Variants in WDR7 observed in about 807,000 individuals in gnomAD.
WDR7 encodes the protein WD repeat domain 7.
A neutral mutation model predicts 169.4 loss-of-function variants in WDR7; 46 were observed. The observed-to-expected ratio is 0.27, with a 90% CI of 0.21 to 0.35. WDR7 has a LOEUF of 0.35. Among genes scored for constraint, WDR7 ranks in the 10% least tolerant of loss-of-function variants. The probability of loss-of-function intolerance (pLI) is 1.00; values close to 1 mark genes in which losing one functional copy is unlikely to be tolerated. For missense variants in WDR7, 1,534 were observed against 1,859.3 expected, an observed-to-expected ratio of 0.83 and a Z score of 3.22; for synonymous variants, 612 against 666.8, an observed-to-expected ratio of 0.92 and a Z score of 1.27.
chr18:56,892,770 A>G (rs1271571408), intron 21 of WDR7, among the ~76,000 whole-genome samples: 3 of 152,084 alleles, frequency 2.0e-5, no homozygotes, highest in Non-Finnish European at 2.9e-5. Flanking sequence ...TTAATATGCA[A>G]AAGGGCTTTG....
In WDR7 at chr18:56,683,920, A is replaced by G. The variant is rs957455633; in HGVS notation, c.520+1067A>G. Among the ~76,000 whole-genome samples the G allele has an allele frequency of 5.3e-5, 8 of 152,208 alleles. No individual in the cohort carries two copies. In the East Asian group the frequency reaches 9.6e-4, roughly 18 times the overall value. On this transcript the variant is annotated intron_variant, in intron 5 of 27. Transcript: ENST00000254442. Reference sequence around the variant, plus strand: ...AGGTGCAAGGGATTGAAATATTAATACTTAAGGGAGTCAAATTCTAGTAAA... The same window carrying G: ...AGGTGCAAGGGATTGAAATATTAATGCTTAAGGGAGTCAAATTCTAGTAAA...
At chr18:56,664,860 T>C (rs1486690307) in intron 1 of WDR7, among the ~76,000 whole-genome samples, 1 of 152,110 alleles carries the variant, frequency 6.6e-6, no homozygotes, top group Admixed American at 6.6e-5. Flanking sequence ...GAGTAGTAAA[T>C]CATGTGGCTT....
At chr18:56,871,991 G>T (rs1027104418) in intron 20 of WDR7, among the ~76,000 whole-genome samples, 1 of 151,976 alleles carries the variant, frequency 6.6e-6, no homozygotes, top group Non-Finnish European at 1.5e-5. Context: ...TCAGGTCAAA[G>T]CACAGTTCTG....
chr18:56,751,052 T>C (rs955980020), intron 14 of WDR7, among the ~76,000 whole-genome samples: 1 of 150,082 alleles, frequency 6.7e-6, no homozygotes, highest in Non-Finnish European at 1.5e-5. Flanking sequence ...TTTGTTCCTG[T>C]TTTTTTTTCT....
intron 21 of WDR7, among the ~76,000 whole-genome samples, chr18:56,885,813 C>T (rs371567137): frequency 4.1e-5 from 6 of 144,716 alleles, no homozygotes; most frequent in African/African-American, 1.1e-4. Context: ...GGCGACAGAG[C>T]GAGACTCTGT....
chr18:56,792,908 T>A (rs1007884214), intron 19 of WDR7, among the ~76,000 whole-genome samples: 3 of 152,190 alleles, frequency 2.0e-5, no homozygotes, highest in Non-Finnish European at 2.9e-5. Context: ...GCGGGACAAC[T>A]TTTATTTCTC....
At position 56,686,964 on chromosome 18, in the gene WDR7, A is replaced by G. The variant is rs1446294769; in HGVS notation, c.707A>G (p.Lys236Arg). ...AGGTCACTTTTGGTTGTGTGTTCCA[A>G]ATATTGGAGGGTAAGATAATTATAT... ...TQRSLLVVCS[K>R]YWRVFDAGDY... Residue 236 changes from lysine (K) to arginine (R), a missense_variant, in exon 7 of 28, where the codon AAA becomes AGA. Coordinates refer to ENST00000254442, the MANE Select transcript of WDR7 (RefSeq NM_015285.3). 6.2e-7 allele frequency: 1 copy of G among 1,608,644 alleles called. No individual in the cohort carries two copies. Among genetic ancestry groups the G allele is most frequent in the African/African-American group, 1.3e-5 (1 of 74,870 alleles).
chr18:56,971,687 G>C, intron 26 of WDR7, among the ~76,000 whole-genome samples: 1 of 152,228 alleles, frequency 6.6e-6, no homozygotes, highest in Middle Eastern at 3.4e-3. Context: ...TTAACAATTA[G>C]GAGTTAGGCA....
intron 3 of WDR7, among the ~76,000 whole-genome samples, chr18:56,680,316 C>A (rs532233962): frequency 6.6e-6 from 1 of 152,264 alleles, no homozygotes; most frequent in South Asian, 2.1e-4. Flanking sequence ...TGTGATTGTG[C>A]CACTGCACTC....
At chr18:56,707,964 C>A (rs113711227) in intron 12 of WDR7, among the ~76,000 whole-genome samples, 411 of 151,712 alleles carry the variant, frequency 2.7e-3, no homozygotes, top group Non-Finnish European at 4.8e-3. Flanking sequence ...CCGTTTGTTT[C>A]CATAAGAAAG....
chr18:56,816,120 C>T lies in WDR7; in HGVS notation c.3280C>T (p.Leu1094Phe). Reference protein sequence around the residue: ...EAKVQEEEHDLVDDDITTGCL... With the variant: ...EAKVQEEEHDFVDDDITTGCL... ...AAAAGTCCAGGAGGAAGAGCATGAC[C>T]TTGTTGACGATGACATCACCACTGG... The change falls in exon 20 of 28, where the codon CTT (leucine) becomes TTT (phenylalanine). Residue 1094 changes from leucine (L) to phenylalanine (F), a missense_variant. Coordinates refer to ENST00000254442, the MANE Select transcript of WDR7 (RefSeq NM_015285.3). The T allele has an allele frequency of 6.2e-7, 1 of 1,613,746 alleles. No homozygotes were observed. The highest frequency in any genetic ancestry group is 8.5e-7 in the Non-Finnish European group (1 of 1,179,892).
intron 20 of WDR7, among the ~76,000 whole-genome samples, chr18:56,827,869 ACAG>A (rs1366873792): frequency 1.3e-5 from 2 of 152,148 alleles, no homozygotes; most frequent in African/African-American, 4.8e-5. Flanking sequence ...TTTAAAAAAA[ACAG>A]CAAAAAACAA....
chr18:56,936,643 TA>T (rs2046964640), intron 23 of WDR7, among the ~76,000 whole-genome samples: 1 of 152,166 alleles, frequency 6.6e-6, no homozygotes, highest in East Asian at 1.9e-4. Flanking sequence ...TCTATTCAGA[TA>T]AACTGAAACC....
At chr18:56,785,442 G>A (rs1202591362) in intron 19 of WDR7, among the ~76,000 whole-genome samples, 1 of 151,972 alleles carries the variant, frequency 6.6e-6, no homozygotes, top group East Asian at 1.9e-4. Flanking sequence ...ATAATTCTAG[G>A]CACTTTACAA....
intron 27 of WDR7, among the ~76,000 whole-genome samples, chr18:57,023,418 G>A (rs1055310874): frequency 1.1e-4 from 16 of 152,196 alleles, no homozygotes; most frequent in African/African-American, 3.9e-4. Flanking sequence ...GTGTTAATGA[G>A]AAATATTGGT....
intron 19 of WDR7, among the ~76,000 whole-genome samples, chr18:56,796,414 A>G (rs2044586507): frequency 6.6e-6 from 1 of 152,238 alleles, no homozygotes; most frequent in Non-Finnish European, 1.5e-5. Flanking sequence ...AGAGATGTAT[A>G]TCTACTGATT....
chr18:56,834,107 C>A (rs2045358748), intron 20 of WDR7, among the ~76,000 whole-genome samples: 1 of 152,342 alleles, frequency 6.6e-6, no homozygotes, highest in East Asian at 1.9e-4. Flanking sequence ...TAGAGGCCAT[C>A]CTCAGTTCCC....
At chr18:56,675,180 A>C (rs1299971503) in intron 2 of WDR7, among the ~76,000 whole-genome samples, 1 of 152,112 alleles carries the variant, frequency 6.6e-6, no homozygotes, top group Non-Finnish European at 1.5e-5. Context: ...TTCTTTTTCA[A>C]GATTGTTTTG....
intron 26 of WDR7, among the ~76,000 whole-genome samples, chr18:56,965,504 G>A (rs1430301160): frequency 1.3e-5 from 2 of 151,196 alleles, no homozygotes; most frequent in Non-Finnish European, 2.9e-5. Context: ...CAAAACCACA[G>A]GATAAGTATG....
Sources: gnomAD v4.1 joint callset for allele counts (sites outside exome capture counted in the v4.1 genomes callset) on GRCh38, gnomAD v4.1.1 for gene constraint, MANE v1.5 for transcripts, NCBI Gene and HGNC (gene_info 2026-07-23, HGNC 2026-07-21) for gene names.